UBE2E2: variants seen among roughly 807,000 people sequenced by gnomAD.
The protein encoded by UBE2E2 is ubiquitin-conjugating enzyme E2 E2.
In UBE2E2, 6 loss-of-function variants were observed where a neutral mutation model predicts 24.7. The ratio of observed to expected loss-of-function variants is 0.24; its 90% CI spans 0.13 to 0.48. The LOEUF is 0.48. UBE2E2 is among the 20% of genes least tolerant of loss of function. The pLI, the probability that UBE2E2 is intolerant of heterozygous loss-of-function variation, is 0.99. For synonymous variants in UBE2E2, 104 were observed against 83.6 expected (o/e 1.24, Z -1.33); for missense variants, 169 against 245.0 (o/e 0.69, Z 2.07).
intron 4 of UBE2E2, among the ~76,000 whole-genome samples, chr3:23,515,678 A>G (rs536901182): frequency 6.6e-6 from 1 of 152,156 alleles, no homozygotes; most frequent in South Asian, 2.1e-4. Flanking sequence ...TTTGAAGGGC[A>G]AGGTGCAGTG....
chr3:23,294,124 G>A (rs1012695978), intron 3 of UBE2E2, among the ~76,000 whole-genome samples: 11 of 152,136 alleles, frequency 7.2e-5, no homozygotes, highest in African/African-American at 2.4e-4. Context: ...AACTAATTCC[G>A]CAAGAATAAT....
chr3:23,207,709 T>G (rs1040664098), intron 1 of UBE2E2, among the ~76,000 whole-genome samples: 2 of 152,224 alleles, frequency 1.3e-5, no homozygotes, highest in Admixed American at 6.5e-5. Flanking sequence ...GTTTTTGTAC[T>G]TAGCAAGTTG....
rs555297451 is a variant in UBE2E2, at chr3:23,524,916, G to T, written c.361-7638G>T. 8.1e-4 allele frequency among the ~76,000 whole-genome samples: 121 copies of T among 149,762 alleles called. 4 individuals are homozygous for T. In the South Asian group the frequency reaches 0.024, roughly 29 times the overall value. The stretch of plus-strand genomic sequence containing the variant: ...CACGTGTGCACTATATTAGTTTCCT[G>T]TTGCTACTGTTACAGACTTAGTGGC... On this transcript the variant is annotated intron_variant, in intron 4 of 5. Coordinates refer to ENST00000396703, the MANE Select transcript of UBE2E2 (RefSeq NM_152653.4).
At chr3:23,396,331 G>GTATATATATACGTATA (rs1697075981) in intron 3 of UBE2E2, among the ~76,000 whole-genome samples, 2 of 143,088 alleles carry the variant, frequency 1.4e-5, no homozygotes, top group East Asian at 4.0e-4. Context: ...ATATATATAC[G>GTATATATATACGTATA]TATATATATA....
chr3:23,424,124 C>T (rs1009066819), intron 3 of UBE2E2, among the ~76,000 whole-genome samples: 1 of 152,168 alleles, frequency 6.6e-6, no homozygotes, highest in South Asian at 2.1e-4. Context: ...CTAAATTCCA[C>T]AGTTATTTAT....
chr3:23,205,349 A>C (rs1696119195), intron 1 of UBE2E2, among the ~76,000 whole-genome samples: 1 of 152,200 alleles, frequency 6.6e-6, no homozygotes, highest in South Asian at 2.1e-4. Context: ...TTAATTTTAA[A>C]ATGCTAATTT....
chr3:23,536,965 T>C (rs763821192), intron 5 of UBE2E2, among the ~76,000 whole-genome samples: 1 of 152,236 alleles, frequency 6.6e-6, no homozygotes, highest in Non-Finnish European at 1.5e-5. Flanking sequence ...TAATGTATAA[T>C]GAAACCAATT....
intron 4 of UBE2E2, among the ~76,000 whole-genome samples, chr3:23,513,933 C>G (rs1239109357): frequency 6.6e-6 from 1 of 152,076 alleles, no homozygotes; most frequent in East Asian, 1.9e-4. Context: ...TAGAAAGAGG[C>G]TTAACAGTCT....
chr3:23,535,590 T>C (rs1695240129), intron 5 of UBE2E2, among the ~76,000 whole-genome samples: 1 of 150,376 alleles, frequency 6.6e-6, no homozygotes, highest in Admixed American at 6.6e-5. Context: ...CACTTCATGA[T>C]GGTGTTTATT....
At chr3:23,396,533 C>T (rs911625017) in intron 3 of UBE2E2, among the ~76,000 whole-genome samples, 1 of 151,802 alleles carries the variant, frequency 6.6e-6, no homozygotes, top group African/African-American at 2.4e-5. Flanking sequence ...CCTGAGGTCT[C>T]ATGACACAGT....
chr3:23,354,466 T>G (rs1420021113), intron 3 of UBE2E2, among the ~76,000 whole-genome samples: 1 of 151,878 alleles, frequency 6.6e-6, no homozygotes, highest in Non-Finnish European at 1.5e-5. Flanking sequence ...TGGGTGAAAA[T>G]TTTCGCAACC....
At chr3:23,496,403 A>G (rs886500411) in intron 3 of UBE2E2, among the ~76,000 whole-genome samples, 1 of 151,944 alleles carries the variant, frequency 6.6e-6, no homozygotes, top group Non-Finnish European at 1.5e-5. Flanking sequence ...TGCTTCTCCA[A>G]CCTCTGCTCC....
At chr3:23,360,401 G>A (rs1696081418) in intron 3 of UBE2E2, among the ~76,000 whole-genome samples, 2 of 152,154 alleles carry the variant, frequency 1.3e-5, no homozygotes, top group African/African-American at 4.8e-5. Context: ...ACTGAATGCT[G>A]TGGATACAAA....
intron 3 of UBE2E2, among the ~76,000 whole-genome samples, chr3:23,391,655 A>T (rs1696937550): frequency 1.3e-5 from 2 of 152,184 alleles, no homozygotes; most frequent in African/African-American, 4.8e-5. Flanking sequence ...CTAAGCTTAT[A>T]TACTGAGAGA....
chr3:23,322,313 TAAAACTTTAA>T (rs1287992885), intron 3 of UBE2E2, among the ~76,000 whole-genome samples: 2 of 152,150 alleles, frequency 1.3e-5, no homozygotes, highest in Non-Finnish European at 2.9e-5. Flanking sequence ...AGGATACCTT[TAAAACTTTAA>T]AAAACTTTAA....
At chr3:23,338,859 A>G (rs572462980) in intron 3 of UBE2E2, among the ~76,000 whole-genome samples, 22 of 152,226 alleles carry the variant, frequency 1.4e-4, no homozygotes, top group Non-Finnish European at 2.5e-4. Flanking sequence ...AGAGTCATTG[A>G]TATAGGAAAT....
Position 23,587,481 on chromosome 3 carries a change from A to G in UBE2E2, c.509-2253A>G, listed in dbSNP as rs117066247. The stretch of plus-strand genomic sequence containing the variant: ...ATCAGTAAGTTAGAATGGATCTTCA[A>G]TGTGTTTCACTAATATAAGTTCTAT... On this transcript the variant is annotated intron_variant, in intron 5 of 5. Transcript: ENST00000396703. 6.5e-4 allele frequency among the ~76,000 whole-genome samples: 99 copies of G among 152,342 alleles called. 4 individuals are homozygous for G. In the East Asian group the frequency reaches 0.011, roughly 17 times the overall value.
intron 3 of UBE2E2, among the ~76,000 whole-genome samples, chr3:23,328,772 C>T (rs1464267126): frequency 6.6e-6 from 1 of 151,998 alleles, no homozygotes; most frequent in African/African-American, 2.4e-5. Context: ...AGCGATTCTC[C>T]TGCCTCAGCC....
chr3:23,578,702 A>G (rs1696400758), intron 5 of UBE2E2, among the ~76,000 whole-genome samples: 1 of 152,178 alleles, frequency 6.6e-6, no homozygotes, highest in South Asian at 2.1e-4. Flanking sequence ...ACATGTTCTC[A>G]CTTATAAATG....
Sources: allele counts gnomAD v4.1 joint callset (sites outside exome capture counted in the v4.1 genomes callset), GRCh38; gene constraint gnomAD v4.1.1; transcripts MANE v1.5; gene names NCBI Gene and HGNC (gene_info 2026-07-23, HGNC 2026-07-21).